NAP1L1: variants seen among roughly 807,000 people sequenced by gnomAD.
The protein encoded by NAP1L1 is nucleosome assembly protein 1 like 1.
Under a neutral mutation model 58.9 loss-of-function variants are expected in NAP1L1, and 9 were observed. That is an observed-to-expected ratio of 0.15 (90% CI 0.09 to 0.27). NAP1L1 has a LOEUF of 0.27. Among genes scored for constraint, NAP1L1 ranks in the 10% least tolerant of loss-of-function variants. The probability of loss-of-function intolerance (pLI) is 1.00; values close to 1 mark genes in which losing one functional copy is unlikely to be tolerated. For missense variants in NAP1L1, 302 were observed against 458.8 expected (o/e 0.66, Z 3.12); for synonymous variants, 130 against 138.3 (o/e 0.94, Z 0.42).
chr12:76,054,896 C>T, intron 8 of NAP1L1, 123 bp downstream of exon 8: 1 of 531,238 alleles, frequency 1.9e-6, no homozygotes, highest in Non-Finnish European at 3.2e-6. Context: ...TAGCAGCATC[C>T]AAATATTTAT....
intron 4 of NAP1L1, among the ~76,000 whole-genome samples, chr12:76,064,258 G>C (rs1949555581): frequency 6.6e-6 from 1 of 152,094 alleles, no homozygotes; most frequent in Non-Finnish European, 1.5e-5. Flanking sequence ...AAGAGAACAA[G>C]AAATGTTCAT....
At chr12:76,078,839 G>A (rs1950293112) in intron 1 of NAP1L1, among the ~76,000 whole-genome samples, 1 of 152,136 alleles carries the variant, frequency 6.6e-6, no homozygotes, top group Non-Finnish European at 1.5e-5. Context: ...GCCTAATAAA[G>A]ACTTCATACA....
rs1949809167 is a variant in NAP1L1 at position 76,068,777 on chromosome 12, C to CA, written c.103+131dup. 10 of 646,592 alleles carry CA rather than the reference C, an allele frequency of 1.5e-5. 1 individual carries two copies. The Admixed American group carries it at 1.9e-4, about 13-fold the overall frequency. 40.1% of individuals were successfully genotyped at this position (646,592 alleles called of 1,614,324 possible). On this transcript the variant is annotated intron_variant, in intron 3 of 14. Transcript: ENST00000618691. ...ACACACACACACACACACACACACA[C>CA]ACTAGAAGTATGGACCAGTAGATAA... is the stretch of plus-strand genomic sequence containing the variant.
At position 76,046,948 on chromosome 12, in the gene NAP1L1, A is replaced by G. The variant is rs757936760; in HGVS notation, c.*1481T>C. The G allele has an allele frequency of 6.6e-6, 1 of 152,454 alleles. No homozygotes were observed. The highest frequency in any genetic ancestry group is 1.5e-5 in the Non-Finnish European group (1 of 67,934). The allele number at this position is 152,454 out of a possible 1,614,324, so 9.4% of individuals were successfully genotyped here. ...AGTATTTACAATACAGTCATCAAAA[A>G]TATCTGAAAACAAATCTTGGACCTT... On this transcript the variant is annotated 3_prime_UTR_variant, in exon 15 of 15. Transcript: ENST00000618691.
In NAP1L1 at chr12:76,038,805, A is replaced by G. The variant is rs987413778; in HGVS notation, c.*9624T>C. ...CATTAGAACCGCCCCCATCACAATAACTACCTAAGTAAATCATTGTTGAGT... is the reference window on the plus strand; with the variant it reads ...CATTAGAACCGCCCCCATCACAATAGCTACCTAAGTAAATCATTGTTGAGT... On this transcript the variant is annotated 3_prime_UTR_variant, in exon 15 of 15. Transcript: ENST00000618691. 2 of 152,212 alleles carry G rather than the reference A, an allele frequency of 1.3e-5. No homozygotes were observed. The highest frequency in any genetic ancestry group is 4.8e-5 in the African/African-American group (2 of 41,446). The allele number at this position is 152,212 out of a possible 1,614,324, so 9.4% of individuals were successfully genotyped here.
At chr12:76,068,723 C>G in intron 3 of NAP1L1, 186 bp downstream of exon 3, 1 of 482,458 alleles carries the variant, frequency 2.1e-6, no homozygotes, top group Non-Finnish European at 3.6e-6. Flanking sequence ...GTATCTATAC[C>G]TACCCGCCCC....
chr12:76,064,655 T>C (rs1019377529), intron 4 of NAP1L1, among the ~76,000 whole-genome samples: 3 of 152,114 alleles, frequency 2.0e-5, no homozygotes, highest in Admixed American at 6.6e-5. Flanking sequence ...AGAATTAAGA[T>C]GCAAAATACA....
intron 2 of NAP1L1, among the ~76,000 whole-genome samples, chr12:76,072,493 G>A (rs1224638572): frequency 6.6e-6 from 1 of 151,966 alleles, no homozygotes; most frequent in African/African-American, 2.4e-5. Flanking sequence ...AGTAGCTCCA[G>A]AAAGAGAAAA....
At position 76,037,316 on chromosome 12, in the gene NAP1L1, C is replaced by T. The variant is rs1871070079; in HGVS notation, c.*11113G>A. The T allele has an allele frequency of 6.6e-6, 1 of 152,232 alleles. No individual in the cohort carries two copies. The highest frequency in any genetic ancestry group is 1.5e-5 in the Non-Finnish European group (1 of 68,066). 9.4% of individuals were successfully genotyped at this position (152,232 alleles called of 1,614,324 possible). A position where few individuals can be genotyped will look rare whatever the true frequency, so the allele number is the denominator to read the frequency against. On this transcript the variant is annotated 3_prime_UTR_variant, in exon 15 of 15. Transcript: ENST00000618691. ...GCCTCCTAGTGACCAATCTGTGTAA[C>T]AGCTTAAAGCAAGTGCTTTATAATG... is the stretch of plus-strand genomic sequence containing the variant.
intron 3 of NAP1L1, 26 bp downstream of exon 3, chr12:76,068,883 G>A: frequency 1.3e-6 from 2 of 1,531,028 alleles, no homozygotes; most frequent in African/African-American, 1.4e-5. Flanking sequence ...GCAATCACTG[G>A]CTCCTGAAGT....
At chr12:76,076,549 A>AATAGATATATAT (rs1950177979) in intron 1 of NAP1L1, among the ~76,000 whole-genome samples, 2 of 120,610 alleles carry the variant, frequency 1.7e-5, no homozygotes, top group African/African-American at 6.5e-5. Flanking sequence ...TGGATATGGA[A>AATAGATATATAT]ATATATATAT....
At position 76,066,692 on chromosome 12, in the gene NAP1L1, A is replaced by G. The variant is rs115915147; in HGVS notation, c.206+679T>C. Among the ~76,000 whole-genome samples, 506 of 152,294 alleles carry G rather than the reference A, an allele frequency of 3.3e-3. 4 individuals carry two copies. Among genetic ancestry groups the G allele is most frequent in the African/African-American group, 0.01 (426 of 41,574 alleles). ...TGTTGGCAGACATGAAGATGAATCT[A>G]TCTTCTTGCATTGAGTACAGTATTT... On this transcript the variant is annotated intron_variant, in intron 4 of 14. Transcript: ENST00000618691.
chr12:76,076,570 A>AAG (rs1301071883), intron 1 of NAP1L1, among the ~76,000 whole-genome samples: 2 of 31,680 alleles, frequency 6.3e-5, no homozygotes, highest in Non-Finnish European at 1.3e-4. Flanking sequence ...ATATATATAT[A>AAG]TATATATATA....
At chr12:76,064,521 AAAG>A (rs144533602) in intron 4 of NAP1L1, among the ~76,000 whole-genome samples, 1,719 of 152,284 alleles carry the variant, frequency 0.011, 37 homozygotes, top group African/African-American at 0.039. Context: ...AAAAAACTGG[AAAG>A]AATAACATAG....
intron 6 of NAP1L1, chr12:76,058,208 T>TC: frequency 7.5e-6 from 1 of 132,870 alleles, no homozygotes; most frequent in Non-Finnish European, 1.6e-5. Context: ...TATATATATA[T>TC]ATATATATAT....
Position 76,038,805 on chromosome 12 carries a change from ACTAC to A in NAP1L1, c.*9620_*9623del, listed in dbSNP as rs1352578399. On this transcript the variant is annotated 3_prime_UTR_variant, in exon 15 of 15. Transcript: ENST00000618691. ...CATTAGAACCGCCCCCATCACAATA[ACTAC>A]CTAAGTAAATCATTGTTGAGTAACA... The A allele has an allele frequency of 3.9e-5, 6 of 152,212 alleles. No individual in the cohort carries two copies. The highest frequency in any genetic ancestry group is 9.7e-5 in the African/African-American group (4 of 41,446). The allele number at this position is 152,212 out of a possible 1,614,324, so 9.4% of individuals were successfully genotyped here.
chr12:76,070,990 T>A (rs1949928664), intron 2 of NAP1L1, among the ~76,000 whole-genome samples: 1 of 152,182 alleles, frequency 6.6e-6, no homozygotes, highest in African/African-American at 2.4e-5. Context: ...ATTAACACAG[T>A]AAGAATTCTC....
At chr12:76,049,996 T>C (rs1486166140) in intron 12 of NAP1L1, among the ~76,000 whole-genome samples, 1 of 152,180 alleles carries the variant, frequency 6.6e-6, no homozygotes, top group African/African-American at 2.4e-5. Context: ...AGTACAATCA[T>C]GTGGATAAAG....
intron 6 of NAP1L1, 92 bp downstream of exon 6, chr12:76,059,706 A>T: frequency 1.2e-6 from 1 of 841,104 alleles, no homozygotes; most frequent in Non-Finnish European, 1.9e-6. Flanking sequence ...CTGGTTATAT[A>T]ATATTGTACT....
Sources: gnomAD v4.1 joint callset for allele counts (sites outside exome capture counted in the v4.1 genomes callset) on GRCh38, gnomAD v4.1.1 for gene constraint, MANE v1.5 for transcripts, NCBI Gene and HGNC (gene_info 2026-07-23, HGNC 2026-07-21) for gene names.